DACH2: variants seen among roughly 807,000 people sequenced by gnomAD.
DACH2 encodes the protein dachshund family transcription factor 2.
DACH2 carries 17 observed loss-of-function variants against 35.8 expected under a neutral mutation model. That is an observed-to-expected ratio of 0.48 (90% CI 0.33 to 0.71). The LOEUF (loss-of-function observed/expected upper bound fraction) is 0.71, where lower values mean the gene tolerates loss of function less well. DACH2 is among the 30% of genes least tolerant of loss of function. DACH2 has a pLI of 0.02. For missense variants in DACH2, 469 were observed against 472.7 expected, an observed-to-expected ratio of 0.99 and a Z score of 0.07; for synonymous variants, 195 against 177.3, an observed-to-expected ratio of 1.10 and a Z score of -0.79.
At chrX:86,453,449 G>A (rs748142026) in intron 2 of DACH2, among the ~76,000 whole-genome samples, 1 of 111,487 alleles carries the variant, frequency 9.0e-6, no homozygotes, top group African/African-American at 3.3e-5. Context: ...GGGAGTATAA[G>A]TTTTTTTGTA....
chrX:86,450,097 G>T (rs982621763), intron 2 of DACH2, among the ~76,000 whole-genome samples: 2 of 110,570 alleles, frequency 1.8e-5, no homozygotes, highest in African/African-American at 6.6e-5. Context: ...TCTGGGGTAC[G>T]TGTGCAGGAT....
intron 3 of DACH2, among the ~76,000 whole-genome samples, chrX:86,615,466 A>G (rs1221172084): frequency 9.0e-6 from 1 of 111,372 alleles, no homozygotes; most frequent in East Asian, 2.8e-4. Context: ...GCAGAACTGG[A>G]CTTCATAGTT....
At chrX:86,446,341 T>G (rs2037277201) in intron 2 of DACH2, among the ~76,000 whole-genome samples, 1 of 88,597 alleles carries the variant, frequency 1.1e-5, no homozygotes, top group South Asian at 6.5e-4. Context: ...ATGTGCACAT[T>G]GTGCAGGTTA....
intron 1 of DACH2, among the ~76,000 whole-genome samples, chrX:86,359,282 G>T (rs2035699539): frequency 9.0e-6 from 1 of 110,866 alleles, no homozygotes; most frequent in African/African-American, 3.3e-5. Context: ...AAAATATATT[G>T]CAATACTAGT....
chrX:86,528,262 C>T (rs2038662589), intron 3 of DACH2, among the ~76,000 whole-genome samples: 1 of 111,867 alleles, frequency 8.9e-6, no homozygotes, highest in Non-Finnish European at 1.9e-5. Context: ...TGGAATCATA[C>T]TATTTATGAC....
intron 3 of DACH2, among the ~76,000 whole-genome samples, chrX:86,604,131 T>C (rs1200673029): frequency 2.7e-5 from 3 of 111,470 alleles, no homozygotes; most frequent in East Asian, 5.6e-4. Flanking sequence ...GATTTTCTAT[T>C]AATAGGATTT....
chrX:86,718,822 G>T (rs2042909724), intron 6 of DACH2, among the ~76,000 whole-genome samples: 2 of 111,352 alleles, frequency 1.8e-5, no homozygotes, highest in Admixed American at 9.6e-5. Flanking sequence ...TCCCTGTTTT[G>T]TTCCCTTGAT....
At chrX:86,695,242 A>C (rs959840412) in intron 5 of DACH2, 63 bp downstream of exon 5, 28 of 885,190 alleles carry the variant, frequency 3.2e-5, no homozygotes, top group Non-Finnish European at 2.2e-5. Context: ...GACCTACTAG[A>C]AACCTTTGGC....
At chrX:86,207,336 CTG>C (rs967922936) in intron 1 of DACH2, among the ~76,000 whole-genome samples, 1 of 111,383 alleles carries the variant, frequency 9.0e-6, no homozygotes, top group African/African-American at 3.3e-5. Context: ...TAATCAGTCT[CTG>C]TGCAAATCTA....
chrX:86,742,312 C>A (rs1243039310), intron 7 of DACH2, among the ~76,000 whole-genome samples: 1 of 110,677 alleles, frequency 9.0e-6, no homozygotes, highest in African/African-American at 3.3e-5. Flanking sequence ...TAACATTTTT[C>A]TCTTTCAATA....
intron 3 of DACH2, among the ~76,000 whole-genome samples, chrX:86,582,343 G>T (rs2039512326): frequency 9.1e-6 from 1 of 110,078 alleles, no homozygotes; most frequent in Non-Finnish European, 1.9e-5. Context: ...CAGAAGACAG[G>T]AAATAACCAA....
intron 11 of DACH2, chrX:86,830,595 A>G (rs1336457702): frequency 8.9e-6 from 1 of 111,791 alleles, no homozygotes. Context: ...GAAATTTTTC[A>G]GAAACTGCAT....
At chrX:86,615,237 T>C (rs1273489076) in intron 3 of DACH2, among the ~76,000 whole-genome samples, 1 of 111,827 alleles carries the variant, frequency 8.9e-6, no homozygotes, top group African/African-American at 3.2e-5. Flanking sequence ...TTCAAGCATT[T>C]CTGGGATGAA....
At chrX:86,594,122 T>C (rs2039683230) in intron 3 of DACH2, among the ~76,000 whole-genome samples, 1 of 112,017 alleles carries the variant, frequency 8.9e-6, no homozygotes, top group Non-Finnish European at 1.9e-5. Flanking sequence ...TGTTATCAAA[T>C]TTGTGGGCCC....
intron 2 of DACH2, among the ~76,000 whole-genome samples, chrX:86,411,923 C>A (rs2036621476): frequency 9.0e-6 from 1 of 111,086 alleles, no homozygotes; most frequent in South Asian, 3.9e-4. Context: ...CATTTGTAAT[C>A]CTGCCTGGAT....
At chrX:86,665,047 T>C (rs1047968128) in intron 4 of DACH2, among the ~76,000 whole-genome samples, 1 of 111,504 alleles carries the variant, frequency 9.0e-6, no homozygotes, top group Non-Finnish European at 1.9e-5. Flanking sequence ...GTAGGTATTA[T>C]TTTTACACAT....
intron 1 of DACH2, among the ~76,000 whole-genome samples, chrX:86,288,771 T>C (rs766246896): frequency 4.4e-4 from 49 of 111,515 alleles, no homozygotes; most frequent in Non-Finnish European, 8.1e-4. Flanking sequence ...TTGGACTCAC[T>C]CTACAGGGCA....
intron 1 of DACH2, among the ~76,000 whole-genome samples, chrX:86,297,057 A>T (rs1315087525): frequency 1.0e-5 from 1 of 99,447 alleles, no homozygotes; most frequent in South Asian, 4.8e-4. Flanking sequence ...ATATATATAT[A>T]TATATATATA....
chrX:86,435,255 C>A (rs951889938), intron 2 of DACH2, among the ~76,000 whole-genome samples: 1 of 111,656 alleles, frequency 9.0e-6, no homozygotes. Flanking sequence ...TGGAAAAACA[C>A]CTAACTTCTT....
Sources: gnomAD v4.1 joint callset for allele counts (sites outside exome capture counted in the v4.1 genomes callset) on GRCh38, gnomAD v4.1.1 for gene constraint, MANE v1.5 for transcripts, NCBI Gene and HGNC (gene_info 2026-07-23, HGNC 2026-07-21) for gene names.